DPYSL5: variants seen among roughly 807,000 people sequenced by gnomAD.
DPYSL5 encodes the protein dihydropyrimidinase like 5.
In DPYSL5, 9 loss-of-function variants were observed where a neutral mutation model predicts 58.4. The observed-to-expected ratio is 0.15, with a 90% CI of 0.09 to 0.27. DPYSL5 has a LOEUF of 0.27. Ranked by LOEUF, DPYSL5 falls within the 10% of genes least tolerant of loss-of-function variation. DPYSL5 has a pLI of 1.00. For missense variants in DPYSL5, 499 were observed against 770.6 expected, an observed-to-expected ratio of 0.65 and a Z score of 4.17; for synonymous variants, 293 against 301.9, an observed-to-expected ratio of 0.97 and a Z score of 0.31.
At chr2:26,867,750 C>T (rs918181752) in intron 1 of DPYSL5, among the ~76,000 whole-genome samples, 1 of 152,180 alleles carries the variant, frequency 6.6e-6, no homozygotes, top group Non-Finnish European at 1.5e-5. Flanking sequence ...CCACCGCGCC[C>T]GGCCCCCAAT....
intron 1 of DPYSL5, among the ~76,000 whole-genome samples, chr2:26,855,559 T>C (rs1665859285): frequency 1.3e-5 from 2 of 152,116 alleles, no homozygotes; most frequent in Non-Finnish European, 2.9e-5. Flanking sequence ...TCTGTCCACT[T>C]TCATTGGTTT....
intron 1 of DPYSL5, among the ~76,000 whole-genome samples, chr2:26,885,549 G>T (rs1257549518): frequency 1.3e-5 from 2 of 152,174 alleles, no homozygotes; most frequent in African/African-American, 4.8e-5. Flanking sequence ...CCGCCCCTGG[G>T]TTAATGGAAA....
At chr2:26,856,662 A>C (rs1199335486) in intron 1 of DPYSL5, among the ~76,000 whole-genome samples, 1 of 152,002 alleles carries the variant, frequency 6.6e-6, no homozygotes, top group African/African-American at 2.4e-5. Context: ...TCAGGGATAC[A>C]CACATGTTCT....
In DPYSL5 at chr2:26,948,095, A is replaced by ACACACACACG. The variant is rs1161000254; in HGVS notation, c.*1109_*1110insGCACACACAC. 3 of 155,444 alleles carry ACACACACACG rather than the reference A, an allele frequency of 1.9e-5. No homozygotes were observed. The highest frequency in any genetic ancestry group is 7.3e-5 in the African/African-American group (3 of 41,278). The allele number at this position is 155,444 out of a possible 1,614,324, so 9.6% of individuals were successfully genotyped here. ...CCACCACACACACACACACACACAC[A>ACACACACACG]CACACACACACACACGCACGGCTTC... On this transcript the variant is annotated 3_prime_UTR_variant, in exon 13 of 13. Coordinates refer to ENST00000288699, the MANE Select transcript of DPYSL5 (RefSeq NM_020134.4).
At chr2:26,850,791 T>C (rs1048035977) in intron 1 of DPYSL5, among the ~76,000 whole-genome samples, 2 of 152,202 alleles carry the variant, frequency 1.3e-5, no homozygotes, top group African/African-American at 4.8e-5. Context: ...TGTCTGAGTG[T>C]CCTTTCTGGC....
intron 6 of DPYSL5, among the ~76,000 whole-genome samples, chr2:26,932,096 AGAG>A (rs1665016315): frequency 1.0e-4 from 3 of 29,300 alleles, no homozygotes; most frequent in African/African-American, 2.1e-4. Context: ...GAAAAAAGAA[AGAG>A]AAAGAAAGAA....
intron 2 of DPYSL5, among the ~76,000 whole-genome samples, chr2:26,915,613 A>T (rs879927784): frequency 3.3e-5 from 5 of 152,106 alleles, no homozygotes; most frequent in African/African-American, 1.2e-4. Context: ...TTACAACAGC[A>T]TGGTAACTTC....
At chr2:26,869,310 A>T (rs1366099650) in intron 1 of DPYSL5, among the ~76,000 whole-genome samples, 1 of 152,114 alleles carries the variant, frequency 6.6e-6, no homozygotes, top group African/African-American at 2.4e-5. Flanking sequence ...AGCTGTATTG[A>T]GGTGTAATTT....
intron 1 of DPYSL5, among the ~76,000 whole-genome samples, chr2:26,890,653 G>C (rs1663855482): frequency 6.6e-6 from 1 of 152,246 alleles, no homozygotes; most frequent in Admixed American, 6.5e-5. Flanking sequence ...CTCAAGGCTA[G>C]ATGCTTGTAT....
At chr2:26,932,165 A>C (rs562132896) in intron 6 of DPYSL5, among the ~76,000 whole-genome samples, 16 of 65,050 alleles carry the variant, frequency 2.5e-4, no homozygotes, top group African/African-American at 6.0e-4. Context: ...GAAAGAAAGA[A>C]AGAAAGAAAG....
intron 2 of DPYSL5, among the ~76,000 whole-genome samples, chr2:26,907,553 C>A (rs569779767): frequency 6.6e-6 from 1 of 152,130 alleles, no homozygotes; most frequent in African/African-American, 2.4e-5. Context: ...TCCCCCTGGG[C>A]AACCCCTGAT....
intron 1 of DPYSL5, among the ~76,000 whole-genome samples, chr2:26,875,615 C>T (rs1663390853): frequency 6.6e-6 from 1 of 152,198 alleles, no homozygotes; most frequent in East Asian, 1.9e-4. Context: ...GGCTTGTCCA[C>T]TGTCAGGCAT....
chr2:26,849,984 C>G lies in DPYSL5; in HGVS notation c.-5+1730C>G, dbSNP rs1423146297. ...GAGCTGCCGGGCGGCGACGCAGGTG[C>G]CAAAGACTGGAGGTCGCCTCGGTGC... On this transcript the variant is annotated intron_variant, in intron 1 of 12. Transcript: ENST00000288699. The surrounding 1 kb of genome is among the most constrained non-coding windows in gnomAD (Gnocchi z 6.2). 6.6e-6 allele frequency among the ~76,000 whole-genome samples: 1 copy of G among 152,194 alleles called. No homozygotes were observed.
intron 2 of DPYSL5, among the ~76,000 whole-genome samples, chr2:26,922,783 C>G (rs1159588117): frequency 6.6e-6 from 1 of 152,220 alleles, no homozygotes; most frequent in Non-Finnish European, 1.5e-5. Context: ...CACGATCCAG[C>G]AAAATCGGAA....
intron 1 of DPYSL5, among the ~76,000 whole-genome samples, chr2:26,889,411 A>C (rs1165631170): frequency 6.6e-6 from 1 of 152,058 alleles, no homozygotes; most frequent in African/African-American, 2.4e-5. Flanking sequence ...CTGGGACTAC[A>C]GGCGCCAGCC....
Position 26,933,829 on chromosome 2 carries a change from C to T in DPYSL5, c.790+496C>T, listed in dbSNP as rs1016159530. Reference sequence around the variant, plus strand: ...CACTTGTATGGCTTCTGTTGCGGATCGCCTGGCAGTACCTAAAGGCTTGCA... The same window carrying T: ...CACTTGTATGGCTTCTGTTGCGGATTGCCTGGCAGTACCTAAAGGCTTGCA... On this transcript the variant is annotated intron_variant, in intron 7 of 12. Transcript: ENST00000288699. The surrounding 1 kb of genome is among the most constrained non-coding windows in gnomAD (Gnocchi z 4.2). Among the ~76,000 whole-genome samples the T allele has an allele frequency of 2.6e-5, 4 of 152,100 alleles. No homozygotes were observed. The highest frequency in any genetic ancestry group is 5.9e-5 in the Non-Finnish European group (4 of 68,018).
At chr2:26,874,022 A>AT (rs562266130) in intron 1 of DPYSL5, among the ~76,000 whole-genome samples, 406 of 152,100 alleles carry the variant, frequency 2.7e-3, no homozygotes, top group African/African-American at 9.4e-3. Flanking sequence ...TATGTTGAGC[A>AT]TTTTTTTTAT....
intron 1 of DPYSL5, among the ~76,000 whole-genome samples, chr2:26,873,776 A>T (rs1442076553): frequency 1.3e-5 from 2 of 152,196 alleles, no homozygotes; most frequent in Non-Finnish European, 2.9e-5. Flanking sequence ...GGATTAGACG[A>T]TGTCCACCCA....
intron 1 of DPYSL5, among the ~76,000 whole-genome samples, chr2:26,891,947 A>T (rs989360219): frequency 6.6e-6 from 1 of 152,216 alleles, no homozygotes; most frequent in African/African-American, 2.4e-5. Flanking sequence ...TGCTGGGATT[A>T]CAGGCATGAG....
Sources: gnomAD v4.1 joint callset for allele counts (sites outside exome capture counted in the v4.1 genomes callset) on GRCh38, gnomAD v4.1.1 for gene constraint, Gnocchi (gnomAD v3.1) non-coding constraint, MANE v1.5 for transcripts, NCBI Gene and HGNC (gene_info 2026-07-23, HGNC 2026-07-21) for gene names.